Variants in CNRIP1 observed in about 807,000 individuals in gnomAD.
The protein encoded by CNRIP1 is CB1 cannabinoid receptor-interacting protein 1.
In CNRIP1, 10 loss-of-function variants were observed where a neutral mutation model predicts 15.2. That is an observed-to-expected ratio of 0.66 (90% CI 0.41 to 1.12). The LOEUF (loss-of-function observed/expected upper bound fraction) is 1.12, where lower values mean the gene tolerates loss of function less well. Ranked by LOEUF, CNRIP1 falls within the 50% of genes most tolerant of loss-of-function variation. The probability of loss-of-function intolerance (pLI) is 0.00; values close to 1 mark genes in which losing one functional copy is unlikely to be tolerated. For synonymous variants in CNRIP1, 91 were observed against 83.2 expected, an observed-to-expected ratio of 1.09 and a Z score of -0.51; for missense variants, 211 against 214.7, an observed-to-expected ratio of 0.98 and a Z score of 0.11.
At chr2:68,316,986 T>C (rs1672294911) in intron 2 of CNRIP1, 171 bp downstream of exon 2, 2 of 791,842 alleles carry the variant, frequency 2.5e-6, no homozygotes, top group East Asian at 4.9e-5. Context: ...CAAAAGAGCA[T>C]TAATTAAGTA....
chr2:68,301,752 C>T (rs1671613747), intron 2 of CNRIP1, among the ~76,000 whole-genome samples: 1 of 151,918 alleles, frequency 6.6e-6, no homozygotes, highest in Middle Eastern at 3.2e-3. Flanking sequence ...ATTGGCCCAG[C>T]GTGGTGGCAG....
chr2:68,284,622 C>G (rs1670982926), intron 2 of CNRIP1: 1 of 495,170 alleles, frequency 2.0e-6, no homozygotes, highest in African/African-American at 2.0e-5. Flanking sequence ...GACCAGCTGA[C>G]CAATATGGTG....
rs565408656 is a variant in CNRIP1 at position 68,318,604 on chromosome 2, G to C, written c.179+618C>G. Among the ~76,000 whole-genome samples the C allele has an allele frequency of 3.7e-3, 566 of 152,308 alleles. 3 individuals are homozygous for C. The highest frequency in any genetic ancestry group is 0.013 in the African/African-American group (525 of 41,568). Reference sequence around the variant, plus strand: ...CAGAAAACTCAGGAGAAAAAGAACAGCATACGGCATGGAAAACCGTGAAAC... The same window carrying C: ...CAGAAAACTCAGGAGAAAAAGAACACCATACGGCATGGAAAACCGTGAAAC... On this transcript the variant is annotated intron_variant, in intron 1 of 2. Coordinates refer to ENST00000263655, the MANE Select transcript of CNRIP1 (RefSeq NM_015463.3).
In CNRIP1 at chr2:68,317,416, G is replaced by A. The variant is rs72904279; in HGVS notation, c.180-109C>T. The A allele has an allele frequency of 2.6e-3, 3,040 of 1,156,804 alleles. 61 individuals are homozygous for A. In the African/African-American group the frequency reaches 0.042, roughly 16 times the overall value. 71.7% of individuals were successfully genotyped at this position (1,156,804 alleles called of 1,614,324 possible). On this transcript the variant is annotated intron_variant, in intron 1 of 2. Coordinates refer to ENST00000263655, the MANE Select transcript of CNRIP1 (RefSeq NM_015463.3). The stretch of plus-strand genomic sequence containing the variant: ...AACTTACAGGGTTTCACTAAGGGGG[G>A]CATTGTGGTGCGGGAGAAAGTTCTG...
rs1671241569 is a variant in CNRIP1, at chr2:68,293,676, C to T, written c.*186G>A. 1 of 1,354,608 alleles carries T rather than the reference C, an allele frequency of 7.4e-7. No homozygotes were observed. The highest frequency in any genetic ancestry group is 1.9e-5 in the South Asian group (1 of 53,724). 83.9% of individuals were successfully genotyped at this position (1,354,608 alleles called of 1,614,324 possible). A position where few individuals can be genotyped will look rare whatever the true frequency, so the allele number is the denominator to read the frequency against. On this transcript the variant is annotated 3_prime_UTR_variant, in exon 3 of 3. Coordinates refer to ENST00000263655, the MANE Select transcript of CNRIP1 (RefSeq NM_015463.3). ...GAATATTCTCGGGAGTGGTACATCA[C>T]CATCTTGTATGTGAGGGATATTGTG...
intron 2 of CNRIP1, among the ~76,000 whole-genome samples, chr2:68,311,629 G>C (rs910277329): frequency 2.6e-5 from 4 of 151,686 alleles, no homozygotes; most frequent in Non-Finnish European, 4.4e-5. Flanking sequence ...CAAAAAATTA[G>C]CTGGGTATGG....
intron 2 of CNRIP1, chr2:68,284,539 C>T: frequency 8.5e-7 from 1 of 1,183,338 alleles, no homozygotes; most frequent in Non-Finnish European, 1.2e-6. Context: ...TGGGTAGGTG[C>T]AGTGACTCAC....
At chr2:68,309,996 G>C (rs1672015749) in intron 2 of CNRIP1, among the ~76,000 whole-genome samples, 1 of 152,116 alleles carries the variant, frequency 6.6e-6, no homozygotes, top group Non-Finnish European at 1.5e-5. Flanking sequence ...TGTATTTTGA[G>C]TACATTCCCT....
At chr2:68,306,810 T>A (rs1671872222) in intron 2 of CNRIP1, among the ~76,000 whole-genome samples, 1 of 151,756 alleles carries the variant, frequency 6.6e-6, no homozygotes, top group Non-Finnish European at 1.5e-5. Flanking sequence ...AAACTTACCC[T>A]TAAGGGTATT....
intron 1 of CNRIP1, among the ~76,000 whole-genome samples, chr2:68,317,647 A>AGGGGTCCTATGATTTGG (rs1357530153): frequency 6.6e-6 from 1 of 152,184 alleles, no homozygotes; most frequent in African/African-American, 2.4e-5. Context: ...TCCAACAATC[A>AGGGGTCCTATGATTTGG]GGGGTCCTAT....
At chr2:68,301,688 G>C (rs143579505) in intron 2 of CNRIP1, among the ~76,000 whole-genome samples, 3 of 151,924 alleles carry the variant, frequency 2.0e-5, no homozygotes, top group Non-Finnish European at 2.9e-5. Flanking sequence ...TCAGGAGATC[G>C]AGACCATCCT....
At chr2:68,292,078 A>G (rs995888692), downstream of CNRIP1, among the ~76,000 whole-genome samples, 7 of 152,276 alleles carry the variant, frequency 4.6e-5, no homozygotes, top group Admixed American at 3.9e-4. Flanking sequence ...CTGCATTTCT[A>G]TTGGATATTC....
rs1028429146 is a variant in CNRIP1, at chr2:68,293,607, C to T, written c.*255G>A. 11 of 1,140,608 alleles carry T rather than the reference C, an allele frequency of 9.6e-6. No homozygotes were observed. The highest frequency in any genetic ancestry group is 6.7e-5 in the South Asian group (2 of 29,824). 70.7% of individuals were successfully genotyped at this position (1,140,608 alleles called of 1,614,324 possible). The stretch of plus-strand genomic sequence containing the variant: ...AGTCACAAGTGGTCAAAAGTATGAC[C>T]GAGAACAACTGGATGCAGGAACATC... On this transcript the variant is annotated 3_prime_UTR_variant, in exon 3 of 3. Coordinates refer to ENST00000263655, the MANE Select transcript of CNRIP1 (RefSeq NM_015463.3).
chr2:68,313,861 T>C (rs545445659), intron 2 of CNRIP1, among the ~76,000 whole-genome samples: 2 of 152,262 alleles, frequency 1.3e-5, no homozygotes, highest in African/African-American at 4.8e-5. Context: ...TTCTATATCA[T>C]CCAACCCCTA....
Position 68,319,246 on chromosome 2 carries a change from A to G in CNRIP1, c.155T>C (p.Ile52Thr). Residue 52 changes from isoleucine (I) to threonine (T), a missense_variant, in exon 1 of 3, where the codon ATT (isoleucine) becomes ACT (threonine). Physicochemically the swap from Ile to Thr is moderately conservative, Grantham distance 89. Coordinates refer to ENST00000263655, the MANE Select transcript of CNRIP1 (RefSeq NM_015463.3). ...CTCGACCTGCAGCGTGCTGGGTTTAATCTTCACCTCAACCTTGTAGGAGGA... is the reference window on the plus strand; with the variant it reads ...CTCGACCTGCAGCGTGCTGGGTTTAGTCTTCACCTCAACCTTGTAGGAGGA... The part of the protein sequence containing the change: ...TGSSYKVEVK[I>T]KPSTLQVENI... 3.9e-6 allele frequency: 6 copies of G among 1,549,244 alleles called. No individual in the cohort carries two copies. Among genetic ancestry groups the G allele is most frequent in the Non-Finnish European group, 5.2e-6 (6 of 1,146,534 alleles).
Position 68,319,484 on chromosome 2 carries a change from G to A in CNRIP1, c.-84C>T, listed in dbSNP as rs1311319969. 8 of 1,358,336 alleles carry A rather than the reference G, an allele frequency of 5.9e-6. No homozygotes were observed. The African/African-American group carries it at 1.1e-4, about 18-fold the overall frequency. The allele number at this position is 1,358,336 out of a possible 1,614,324, so 84.1% of individuals were successfully genotyped here. A position where few individuals can be genotyped will look rare whatever the true frequency, so the allele number is the denominator to read the frequency against. On this transcript the variant is annotated 5_prime_UTR_variant, in exon 1 of 3. Coordinates refer to ENST00000263655, the MANE Select transcript of CNRIP1 (RefSeq NM_015463.3). The stretch of plus-strand genomic sequence containing the variant: ...CCGAGTGGCTGGAGCGCGAGGGGCG[G>A]AGAGGAAGCGCGGGGAGGGTGAGGG...
intron 2 of CNRIP1, among the ~76,000 whole-genome samples, chr2:68,295,535 G>T (rs1186037493): frequency 6.6e-6 from 1 of 152,066 alleles, no homozygotes; most frequent in African/African-American, 2.4e-5. Flanking sequence ...AGCAAGTTTT[G>T]GTATATTTAT....
downstream of CNRIP1, chr2:68,292,901 G>A (rs749354368): frequency 2.0e-5 from 10 of 510,582 alleles, no homozygotes; most frequent in Admixed American, 6.4e-5. Context: ...ATTCTACTCC[G>A]GATACATCCC....
At chr2:68,286,948 C>A (rs1671046207) in intron 2 of CNRIP1, among the ~76,000 whole-genome samples, 1 of 152,176 alleles carries the variant, frequency 6.6e-6, no homozygotes, top group Admixed American at 6.5e-5. Flanking sequence ...AAAATGTCTG[C>A]CATACAAAAG....
Sources: gnomAD v4.1 joint callset for allele counts (sites outside exome capture counted in the v4.1 genomes callset) on GRCh38, gnomAD v4.1.1 for gene constraint, MANE v1.5 for transcripts, NCBI Gene and HGNC (gene_info 2026-07-23, HGNC 2026-07-21) for gene names.